SPICE1: variants seen among roughly 807,000 people sequenced by gnomAD.
SPICE1 encodes the protein spindle and centriole-associated protein 1.
SPICE1 carries 75 observed loss-of-function variants against 102.7 expected under a neutral mutation model. The observed-to-expected ratio is 0.73, with a 90% CI of 0.61 to 0.88. SPICE1 has a LOEUF of 0.88. Ranked by LOEUF, SPICE1 falls within the 40% of genes least tolerant of loss-of-function variation. The pLI, the probability that SPICE1 is intolerant of heterozygous loss-of-function variation, is 0.00. For synonymous variants in SPICE1, 308 were observed against 350.3 expected, an observed-to-expected ratio of 0.88 and a Z score of 1.35; for missense variants, 979 against 1,020.1, an observed-to-expected ratio of 0.96 and a Z score of 0.55.
At chr3:113,481,093 C>T (rs922181497) in intron 7 of SPICE1, among the ~76,000 whole-genome samples, 1 of 151,954 alleles carries the variant, frequency 6.6e-6, no homozygotes, top group African/African-American at 2.4e-5. Flanking sequence ...AGGTGAAAGA[C>T]TTAGATAACA....
chr3:113,447,700 G>A (rs780485265), intron 16 of SPICE1, among the ~76,000 whole-genome samples: 3 of 152,134 alleles, frequency 2.0e-5, no homozygotes, highest in South Asian at 2.1e-4. Flanking sequence ...TTAACTCGGA[G>A]AGCTTCAGTT....
At chr3:113,447,107 C>G (rs1935535328) in intron 16 of SPICE1, among the ~76,000 whole-genome samples, 1 of 152,122 alleles carries the variant, frequency 6.6e-6, no homozygotes, top group Non-Finnish European at 1.5e-5. Context: ...CTTCGCCTCC[C>G]ACCATGATTT....
At chr3:113,469,004 G>A in intron 8 of SPICE1, 95 bp downstream of exon 8, 7 of 1,558,568 alleles carry the variant, frequency 4.5e-6, no homozygotes, top group Non-Finnish European at 6.1e-6. Context: ...GGCAAAGGCA[G>A]TCAAAACTCA....
At chr3:113,503,029 G>A (rs1937038915) in intron 3 of SPICE1, 151 bp downstream of exon 3, 1 of 692,750 alleles carries the variant, frequency 1.4e-6, no homozygotes, top group Non-Finnish European at 2.4e-6. Flanking sequence ...AAGTCCAGAA[G>A]ATAGGCGTTT....
intron 1 of SPICE1, among the ~76,000 whole-genome samples, chr3:113,509,676 T>C (rs1937180708): frequency 6.6e-6 from 1 of 152,156 alleles, no homozygotes; most frequent in African/African-American, 2.4e-5. Context: ...ACTAATTAAA[T>C]ATATAAGTGC....
At chr3:113,482,174 C>A (rs894765186) in intron 7 of SPICE1, among the ~76,000 whole-genome samples, 1 of 152,132 alleles carries the variant, frequency 6.6e-6, no homozygotes, top group African/African-American at 2.4e-5. Flanking sequence ...TGATGATGAG[C>A]TTTTTTTCGT....
In SPICE1 at chr3:113,489,073, C is replaced by T. The variant is rs1290982866; in HGVS notation, c.493-10G>A. The T allele has an allele frequency of 3.9e-6, 6 of 1,523,256 alleles. No homozygotes were observed. The highest frequency in any genetic ancestry group is 3.4e-5 in the South Asian group (3 of 88,802). 94.4% of individuals were successfully genotyped at this position (1,523,256 alleles called of 1,614,324 possible). A position where few individuals can be genotyped will look rare whatever the true frequency, so the allele number is the denominator to read the frequency against. On this transcript the variant is annotated splice_polypyrimidine_tract_variant and intron_variant, in intron 6 of 17. Transcript: ENST00000295872. ...CTACATCATTAAGAGCCTGTCTCAA[C>T]ACAACAATAAAAATAGCACAAGTTG...
At chr3:113,462,377 G>C (rs1935951911) in intron 11 of SPICE1, among the ~76,000 whole-genome samples, 1 of 152,214 alleles carries the variant, frequency 6.6e-6, no homozygotes, top group African/African-American at 2.4e-5. Context: ...CCATCTATCA[G>C]ACACTGGTGA....
chr3:113,472,072 G>A (rs1332363172), intron 7 of SPICE1, among the ~76,000 whole-genome samples: 1 of 152,202 alleles, frequency 6.6e-6, no homozygotes, highest in Non-Finnish European at 1.5e-5. Context: ...CTGGAAAATT[G>A]GGTCATGCCC....
intron 1 of SPICE1, among the ~76,000 whole-genome samples, chr3:113,512,253 T>C (rs1026289907): frequency 6.6e-6 from 1 of 152,188 alleles, no homozygotes; most frequent in Non-Finnish European, 1.5e-5. Flanking sequence ...AACACAGGTA[T>C]AGTTAAGCTG....
At chr3:113,502,432 T>C (rs944774237) in intron 3 of SPICE1, among the ~76,000 whole-genome samples, 3 of 152,058 alleles carry the variant, frequency 2.0e-5, no homozygotes, top group Non-Finnish European at 2.9e-5. Flanking sequence ...ACGACCAGAA[T>C]AGGCAAATAC....
At position 113,445,194 on chromosome 3, in the gene SPICE1, C is replaced by T; in HGVS notation, c.*113G>A. 3 of 810,246 alleles carry T rather than the reference C, an allele frequency of 3.7e-6. No individual in the cohort carries two copies. Among genetic ancestry groups the T allele is most frequent in the Non-Finnish European group, 5.8e-6 (3 of 515,980 alleles). The allele number at this position is 810,246 out of a possible 1,614,324, so 50.2% of individuals were successfully genotyped here. A position where few individuals can be genotyped will look rare whatever the true frequency, so the allele number is the denominator to read the frequency against. ...TTTCTCTGTTTCATTAGTACTAATTCACAGGATCTTTGTAGGTTTTATCTG... is the reference window on the plus strand; with the variant it reads ...TTTCTCTGTTTCATTAGTACTAATTTACAGGATCTTTGTAGGTTTTATCTG... On this transcript the variant is annotated 3_prime_UTR_variant, in exon 18 of 18. Coordinates refer to ENST00000295872, the MANE Select transcript of SPICE1 (RefSeq NM_144718.4).
At chr3:113,446,223 C>T (rs775498181) in intron 17 of SPICE1, among the ~76,000 whole-genome samples, 140 of 152,272 alleles carry the variant, frequency 9.2e-4, no homozygotes, top group Non-Finnish European at 1.7e-3. Flanking sequence ...CTCTGGCTGT[C>T]CCAGACCCCA....
intron 10 of SPICE1, among the ~76,000 whole-genome samples, chr3:113,466,049 G>GATATACATATACATATTATTTGA (rs1475553703): frequency 1.3e-5 from 2 of 152,084 alleles, no homozygotes; most frequent in African/African-American, 4.8e-5. Context: ...AAAGTAGAGG[G>GATATACATATACATATTATTTGA]ATATACATAT....
chr3:113,482,923 T>G (rs551138932), intron 7 of SPICE1, among the ~76,000 whole-genome samples: 3 of 152,298 alleles, frequency 2.0e-5, no homozygotes, highest in East Asian at 3.9e-4. Flanking sequence ...TTAAAGTAGT[T>G]TTTTCTAATT....
At chr3:113,468,066 C>T (rs1273300719) in intron 10 of SPICE1, 73 bp downstream of exon 10, 1 of 1,537,362 alleles carries the variant, frequency 6.5e-7, no homozygotes, top group Non-Finnish European at 8.8e-7. Flanking sequence ...TTGGAGGTTG[C>T]AATAAATGGA....
At chr3:113,486,802 CT>C (rs1936658498) in intron 7 of SPICE1, among the ~76,000 whole-genome samples, 1 of 149,316 alleles carries the variant, frequency 6.7e-6, no homozygotes, top group Non-Finnish European at 1.5e-5. Flanking sequence ...AGTACGTTAC[CT>C]TTTATATAAG....
At chr3:113,485,698 C>T (rs767670399) in intron 7 of SPICE1, among the ~76,000 whole-genome samples, 6 of 152,154 alleles carry the variant, frequency 3.9e-5, no homozygotes, top group East Asian at 1.9e-4. Flanking sequence ...AAGAAAGCAG[C>T]GGACCTTTTA....
intron 7 of SPICE1, among the ~76,000 whole-genome samples, chr3:113,485,404 A>G (rs1252339590): frequency 1.3e-5 from 2 of 152,138 alleles, no homozygotes; most frequent in East Asian, 3.9e-4. Context: ...GGGAAGGGGC[A>G]GCTGCCATTG....
Sources: gnomAD v4.1 joint callset for allele counts (sites outside exome capture counted in the v4.1 genomes callset) on GRCh38, gnomAD v4.1.1 for gene constraint, MANE v1.5 for transcripts, NCBI Gene and HGNC (gene_info 2026-07-23, HGNC 2026-07-21) for gene names.